HYAL4: variants seen among roughly 807,000 people sequenced by gnomAD.
The protein encoded by HYAL4 is hyaluronidase-4.
Under a neutral mutation model 35.2 loss-of-function variants are expected in HYAL4, and 37 were observed. That is an observed-to-expected ratio of 1.05 (90% CI 0.81 to 1.38). The LOEUF is 1.38. Ranked by LOEUF, HYAL4 falls within the 40% of genes most tolerant of loss-of-function variation. The probability of loss-of-function intolerance (pLI) is 0.00; values close to 1 mark genes in which losing one functional copy is unlikely to be tolerated. For synonymous variants in HYAL4, 198 were observed against 203.2 expected (o/e 0.97, Z 0.22); for missense variants, 572 against 572.4 (o/e 1.00, Z 0.01).
At chr7:123,874,629 A>G in intron 3 of HYAL4, 132 bp from the exon 4 acceptor site, 1 of 578,414 alleles carries the variant, frequency 1.7e-6, no homozygotes, top group Non-Finnish European at 3.1e-6. Context: ...CTGGTCTCAA[A>G]CTCTTGACCT....
At chr7:123,821,040 C>A in the HYAL4 span, among the ~76,000 whole-genome samples, 1 of 152,150 alleles carries the variant, frequency 6.6e-6, no homozygotes, top group Non-Finnish European at 1.5e-5. Context: ...TATCCTTATT[C>A]ATTTATCTGT....
the HYAL4 span, among the ~76,000 whole-genome samples, chr7:123,813,919 C>G: frequency 8.5e-5 from 13 of 152,250 alleles, no homozygotes; most frequent in African/African-American, 3.1e-4. Flanking sequence ...GTTTGCATAG[C>G]TGACAAATGT....
At chr7:123,831,690 T>C (rs1440846003) in intron 1 of HYAL4, among the ~76,000 whole-genome samples, 5 of 152,216 alleles carry the variant, frequency 3.3e-5, no homozygotes, top group African/African-American at 1.2e-4. Context: ...AGGACCAGAG[T>C]AATTGAAAAA....
chr7:123,822,502 C>G, the HYAL4 span, among the ~76,000 whole-genome samples: 1 of 152,028 alleles, frequency 6.6e-6, no homozygotes, highest in South Asian at 2.1e-4. Context: ...TATCCTGCAA[C>G]CTTACTGAAT....
At chr7:123,871,150 G>A (rs1387934005) in intron 3 of HYAL4, among the ~76,000 whole-genome samples, 1 of 150,692 alleles carries the variant, frequency 6.6e-6, no homozygotes, top group African/African-American at 2.4e-5. Flanking sequence ...AACTATAAGT[G>A]TACCCACCAT....
In HYAL4 at chr7:123,876,893, C is replaced by A. The variant is rs141828412; in HGVS notation, c.1184C>A (p.Pro395His). ...TGCATAAGGAAGATGTGGAACGCGC[C>A]CAGTTACCTTCACTTGAACCCTGCA... is the stretch of plus-strand genomic sequence containing the variant. ...GRCIRKMWNA[P>H]SYLHLNPASY... Residue 395 changes from proline to histidine, a missense_variant, in exon 5 of 5, where the codon CCC (proline) becomes CAC (histidine). Coordinates refer to ENST00000223026, the MANE Select transcript of HYAL4 (RefSeq NM_012269.3). 1 of 1,614,180 alleles carries A rather than the reference C, an allele frequency of 6.2e-7. No individual in the cohort carries two copies. The highest frequency in any genetic ancestry group is 8.5e-7 in the Non-Finnish European group (1 of 1,180,048).
At chr7:123,875,644 G>T (rs1584930017) in intron 4 of HYAL4, among the ~76,000 whole-genome samples, 2 of 140,912 alleles carry the variant, frequency 1.4e-5, no homozygotes, top group Non-Finnish European at 3.0e-5. Flanking sequence ...TTCAAAGAGT[G>T]AGACTCCATC....
At chr7:123,772,208 C>T in the HYAL4 span, among the ~76,000 whole-genome samples, 1 of 152,110 alleles carries the variant, frequency 6.6e-6, no homozygotes, top group Non-Finnish European at 1.5e-5. Flanking sequence ...CCAGGAAGTT[C>T]AAAGCTCCAA....
chr7:123,826,223 G>A (rs1397616278), upstream of HYAL4, among the ~76,000 whole-genome samples: 1 of 152,050 alleles, frequency 6.6e-6, no homozygotes, highest in Admixed American at 6.6e-5. Context: ...TTCTGATAAT[G>A]AGATAGAGAT....
chr7:123,815,662 G>T, the HYAL4 span, among the ~76,000 whole-genome samples: 1 of 152,266 alleles, frequency 6.6e-6, no homozygotes, highest in East Asian at 1.9e-4. Flanking sequence ...TAATAAGTTT[G>T]AAGACATGGC....
At chr7:123,809,293 C>G in the HYAL4 span, among the ~76,000 whole-genome samples, 1 of 151,994 alleles carries the variant, frequency 6.6e-6, no homozygotes, top group East Asian at 1.9e-4. Flanking sequence ...CTGAGTTTCT[C>G]TGTATTTTCT....
rs528954304 is a variant in HYAL4 at position 123,837,405 on chromosome 7, A to G, written c.-256-6840A>G. 7.5e-5 allele frequency among the ~76,000 whole-genome samples: 11 copies of G among 146,962 alleles called. No individual in the cohort carries two copies. The South Asian group carries it at 2.4e-3, about 32-fold the overall frequency. ...AACTAGCAAATGCCATTTTAGTCTG[A>G]GCATTTCACCACCTCATTCTACACC... On this transcript the variant is annotated intron_variant, in intron 1 of 4. Coordinates refer to the HYAL4 transcript ENST00000489978.
the HYAL4 span, among the ~76,000 whole-genome samples, chr7:123,785,943 GAAAACAAAAC>G: frequency 0.022 from 3,308 of 150,966 alleles, 42 homozygotes; most frequent in Non-Finnish European, 0.032. The surrounding 1 kb of genome is among the most constrained non-coding windows in gnomAD (Gnocchi z 4.5). Flanking sequence ...GTAGAAACAA[GAAAACAAAAC>G]AAAACAAAAC....
chr7:123,869,251 TGG>T (rs1806801086), intron 3 of HYAL4, 24 bp downstream of exon 3: 1 of 1,451,242 alleles, frequency 6.9e-7, no homozygotes, highest in African/African-American at 1.4e-5. Flanking sequence ...TGTCCAATGG[TGG>T]GGGATTTCCT....
chr7:123,808,097 C>T, the HYAL4 span, among the ~76,000 whole-genome samples: 1 of 151,766 alleles, frequency 6.6e-6, no homozygotes, highest in Admixed American at 6.6e-5. Context: ...AGCTTTCGTG[C>T]AAACAAGACC....
At chr7:123,865,105 G>C (rs1356903792) in intron 2 of HYAL4, among the ~76,000 whole-genome samples, 2 of 151,968 alleles carry the variant, frequency 1.3e-5, no homozygotes, top group Non-Finnish European at 2.9e-5. Context: ...GAATCACTTG[G>C]TAACTTTGTA....
intron 3 of HYAL4, among the ~76,000 whole-genome samples, chr7:123,870,238 C>G (rs184619990): frequency 7.4e-4 from 112 of 152,256 alleles, no homozygotes; most frequent in African/African-American, 2.2e-3. Context: ...CAGGTGAGGG[C>G]TCTACAGTGA....
At chr7:123,818,956 T>C in the HYAL4 span, among the ~76,000 whole-genome samples, 4 of 152,078 alleles carry the variant, frequency 2.6e-5, no homozygotes, top group Non-Finnish European at 2.9e-5. Context: ...TAATATCCAC[T>C]CTCTCAGCAT....
chr7:123,799,263 C>T, the HYAL4 span, among the ~76,000 whole-genome samples: 8 of 151,764 alleles, frequency 5.3e-5, no homozygotes, highest in Admixed American at 4.6e-4. Context: ...TGTAGATTTC[C>T]CTTTAATTTT....
Sources: gnomAD v4.1 joint callset for allele counts (sites outside exome capture counted in the v4.1 genomes callset) on GRCh38, gnomAD v4.1.1 for gene constraint, Gnocchi (gnomAD v3.1) non-coding constraint, MANE v1.5 for transcripts, NCBI Gene and HGNC (gene_info 2026-07-23, HGNC 2026-07-21) for gene names.